The following RGMA variants were observed in gnomAD, a reference collection of about 807,000 sequenced individuals.
RGMA encodes the protein repulsive guidance molecule BMP co-receptor a.
RGMA carries 10 observed loss-of-function variants against 23.2 expected under a neutral mutation model. The observed-to-expected ratio is 0.43, with a 90% CI of 0.27 to 0.73. The LOEUF (loss-of-function observed/expected upper bound fraction) is 0.73. RGMA is among the 30% of genes least tolerant of loss of function. The pLI, the probability that RGMA is intolerant of heterozygous loss-of-function variation, is 0.20. For synonymous variants in RGMA, 308 were observed against 279.3 expected (o/e 1.10, Z -1.03); for missense variants, 547 against 630.5 (o/e 0.87, Z 1.42).
At position 93,042,577 on chromosome 15, in the gene RGMA, C is replaced by G. The variant is rs1164337521; in HGVS notation, c.*2421G>C. 1 of 152,462 alleles carries G rather than the reference C, an allele frequency of 6.6e-6. No homozygotes were observed. Among genetic ancestry groups the G allele is most frequent in the Non-Finnish European group, 1.5e-5 (1 of 68,242 alleles). The allele number at this position is 152,462 out of a possible 1,614,324, so 9.4% of individuals were successfully genotyped here. A position where few individuals can be genotyped will look rare whatever the true frequency, so the allele number is the denominator to read the frequency against. ...AGGCTGGCTTAACTGTGCTGCTATT[C>G]TGCCTCATGGCATTTAGTTTGAAGA... On this transcript the variant is annotated 3_prime_UTR_variant, in exon 4 of 4. Transcript: ENST00000329082.
intron 1 of RGMA, among the ~76,000 whole-genome samples, chr15:93,075,251 CA>C (rs1388305901): frequency 2.6e-5 from 4 of 152,120 alleles, no homozygotes; most frequent in African/African-American, 9.7e-5. Context: ...ACATGTGCAG[CA>C]TATTCTGCAA....
chr15:93,073,927 C>G (rs993965086), intron 1 of RGMA: 1 of 1,435,364 alleles, frequency 7.0e-7, no homozygotes, highest in Non-Finnish European at 9.1e-7. Flanking sequence ...CGCGCAGGGC[C>G]GGATGGTTTG....
intron 2 of RGMA, among the ~76,000 whole-genome samples, chr15:93,053,435 C>T (rs1231364087): frequency 4.6e-5 from 7 of 152,274 alleles, no homozygotes; most frequent in Non-Finnish European, 8.8e-5. Flanking sequence ...GCTGGGAGGT[C>T]CAGCCTCTGG....
chr15:93,079,068 A>C (rs1026326944), intron 1 of RGMA, among the ~76,000 whole-genome samples: 6 of 152,234 alleles, frequency 3.9e-5, no homozygotes, highest in Admixed American at 3.9e-4. Context: ...TCTTCATTTC[A>C]TCCCAAAGCC....
chr15:93,067,826 G>C (rs767656540), intron 2 of RGMA, among the ~76,000 whole-genome samples: 1 of 152,190 alleles, frequency 6.6e-6, no homozygotes, highest in Non-Finnish European at 1.5e-5. Flanking sequence ...CTCCTGGGCA[G>C]GAGTTTCAGA....
At chr15:93,083,820 C>T (rs1372021276) in intron 1 of RGMA, among the ~76,000 whole-genome samples, 3 of 152,176 alleles carry the variant, frequency 2.0e-5, no homozygotes, top group African/African-American at 7.2e-5. Context: ...TCATGAACTT[C>T]GTAACGTCTA....
At chr15:93,077,771 G>C (rs560295641) in intron 1 of RGMA, among the ~76,000 whole-genome samples, 3 of 152,210 alleles carry the variant, frequency 2.0e-5, no homozygotes, top group Non-Finnish European at 4.4e-5. Flanking sequence ...GCAATGGTGC[G>C]ACCTCGGCTC....
At position 93,039,727 on chromosome 15, in the gene RGMA, A is replaced by T. The variant is rs539199962; in HGVS notation, c.*5271T>A. The T allele has an allele frequency of 6.6e-6, 1 of 152,184 alleles. No homozygotes were observed. The highest frequency in any genetic ancestry group is 1.5e-5 in the Non-Finnish European group (1 of 68,060). 9.4% of individuals were successfully genotyped at this position (152,184 alleles called of 1,614,324 possible). ...ATGTCCCTGCAAAGGACATGAACTC[A>T]TCCCTTTTTATGGCTGCATAGTACT... is the stretch of plus-strand genomic sequence containing the variant. On this transcript the variant is annotated 3_prime_UTR_variant, in exon 4 of 4. Transcript: ENST00000329082.
At chr15:93,071,901 A>G (rs1895337434) in intron 2 of RGMA, among the ~76,000 whole-genome samples, 1 of 152,210 alleles carries the variant, frequency 6.6e-6, no homozygotes, top group South Asian at 2.1e-4. Context: ...ACACAATGGA[A>G]ACGGCTGGGA....
intron 1 of RGMA, chr15:93,073,721 C>T (rs1179648616): frequency 1.3e-6 from 2 of 1,537,204 alleles, no homozygotes; most frequent in Non-Finnish European, 8.7e-7. Context: ...TAACGCACCT[C>T]GAGGTTCCCG....
chr15:93,045,002 C>G lies in RGMA; in HGVS notation c.1349G>C (p.Cys450Ser), dbSNP rs756766841. The change falls in exon 4 of 4, where the codon TGC (cysteine) becomes TCC (serine). Residue 450 changes from cysteine (C) to serine (S), a missense_variant. Transcript: ENST00000329082. The surrounding 1 kb of genome is among the most constrained non-coding windows in gnomAD (Gnocchi z 6.9). ...CCTCCCTCCACATCTACGCGTCTAGCAGAACACAGGGAGCAGGGCCAGGAG... is the reference window on the plus strand; with the variant it reads ...CCTCCCTCCACATCTACGCGTCTAGGAGAACACAGGGAGCAGGGCCAGGAG... ...VPLLALLPVF[C>S] 19 of 1,597,916 alleles carry G rather than the reference C, an allele frequency of 1.2e-5. No individual in the cohort carries two copies. The South Asian group carries it at 1.8e-4, about 15-fold the overall frequency.
At chr15:93,088,518 C>A (rs922908837) in intron 1 of RGMA, 41 of 997,306 alleles carry the variant, frequency 4.1e-5, no homozygotes, top group Middle Eastern at 5.0e-4. Context: ...GGGCGTCGAG[C>A]GGGAGGCGGG....
intron 2 of RGMA, among the ~76,000 whole-genome samples, chr15:93,054,310 T>G (rs1596086117): frequency 6.6e-6 from 1 of 152,096 alleles, no homozygotes; most frequent in Admixed American, 6.5e-5. Context: ...TATACTCACT[T>G]AAAGGGTCAG....
At chr15:93,066,117 A>G (rs1895139218) in intron 2 of RGMA, 1 of 1,390,656 alleles carries the variant, frequency 7.2e-7, no homozygotes, top group Non-Finnish European at 1.0e-6. Context: ...TGGGGGCATA[A>G]CAGCTGCCCT....
Position 93,088,878 on chromosome 15 carries a change from A to G in RGMA, c.14+41T>C, listed in dbSNP as rs938152093. The G allele has an allele frequency of 2.0e-6, 3 of 1,490,860 alleles. No individual in the cohort carries two copies. The African/African-American group carries it at 4.4e-5, about 22-fold the overall frequency. The allele number at this position is 1,490,860 out of a possible 1,614,324, so 92.4% of individuals were successfully genotyped here. A position where few individuals can be genotyped will look rare whatever the true frequency, so the allele number is the denominator to read the frequency against. ...GGCATGTGTCGGCGGCGCCTCGGAG[A>G]TGTCAGAGCCGGGTCTGCCCGGCTC... On this transcript the variant is annotated intron_variant, in intron 1 of 3. Coordinates refer to ENST00000329082, the MANE Select transcript of RGMA (RefSeq NM_020211.3).
chr15:93,072,981 C>T lies in RGMA; in HGVS notation c.65G>A (p.Gly22Glu), dbSNP rs1230839172. The T allele has an allele frequency of 6.2e-7, 1 of 1,611,706 alleles. No homozygotes were observed. The highest frequency in any genetic ancestry group is 8.5e-7 in the Non-Finnish European group (1 of 1,179,148). Reference sequence around the variant, plus strand: ...GAATCCCAGGGCTGAACGTCCTGCCCCTCTCCCCATACCCATCCATCCAGC... The same window carrying T: ...GAATCCCAGGGCTGAACGTCCTGCCTCTCTCCCCATACCCATCCATCCAGC... The part of the protein sequence containing the change: ...GRAGWMGMGR[G>E]AGRSALGFWP... Residue 22 changes from glycine (G) to glutamate (E), a missense_variant, in exon 2 of 4, where the codon GGG (glycine) becomes GAG (glutamate). By Grantham distance (98) the Gly-to-Glu change is moderately conservative (BLOSUM62 -2). Coordinates refer to ENST00000329082, the MANE Select transcript of RGMA (RefSeq NM_020211.3).
chr15:93,057,893 C>T (rs985987185), intron 2 of RGMA, among the ~76,000 whole-genome samples: 1 of 152,168 alleles, frequency 6.6e-6, no homozygotes, highest in Non-Finnish European at 1.5e-5. Flanking sequence ...TGCTGGGAGA[C>T]CTCTGTACCC....
intron 2 of RGMA, among the ~76,000 whole-genome samples, chr15:93,058,213 G>A (rs1002908500): frequency 5.9e-5 from 9 of 152,218 alleles, no homozygotes; most frequent in Non-Finnish European, 1.3e-4. Flanking sequence ...GGGTCGACAG[G>A]CAACAGGTGA....
At position 93,045,493 on chromosome 15, in the gene RGMA, C is replaced by T; in HGVS notation, c.858G>A (p.Val286=). The change falls in exon 4 of 4, where the codon GTG becomes GTA. Residue 286 remains valine, a synonymous_variant. Coordinates refer to ENST00000329082, the MANE Select transcript of RGMA (RefSeq NM_020211.3). This position sits in a 1 kb window ranked among gnomAD's most constrained non-coding sequence, Gnocchi z 6.9. ...YIGTTIVVRQ[V]GRYLTFAVRM... is the part of the protein sequence containing the mutation. Reference sequence around the variant, plus strand: ...GGACGGCAAAGGTCAGGTAGCGGCCCACCTGGCGCACCACGATGGTGGTGC... The same window carrying T: ...GGACGGCAAAGGTCAGGTAGCGGCCTACCTGGCGCACCACGATGGTGGTGC... 2 of 1,613,280 alleles carry T rather than the reference C, an allele frequency of 1.2e-6. No homozygotes were observed. Among genetic ancestry groups the T allele is most frequent in the East Asian group, 2.2e-5 (1 of 44,866 alleles).
Sources: allele counts gnomAD v4.1 joint callset (sites outside exome capture counted in the v4.1 genomes callset), GRCh38; gene constraint gnomAD v4.1.1; non-coding constraint Gnocchi (gnomAD v3.1); transcripts MANE v1.5; gene names NCBI Gene and HGNC (gene_info 2026-07-23, HGNC 2026-07-21).